RGS9: variants seen among roughly 807,000 people sequenced by gnomAD.
RGS9 encodes regulator of G protein signaling 9.
RGS9 carries 78 observed loss-of-function variants against 102.0 expected under a neutral mutation model. The ratio of observed to expected loss-of-function variants is 0.76; its 90% CI spans 0.64 to 0.92. The LOEUF is 0.92. Ranked by LOEUF, RGS9 falls within the 40% of genes least tolerant of loss-of-function variation. RGS9 has a pLI of 0.00. For missense variants in RGS9, 833 were observed against 866.1 expected, an observed-to-expected ratio of 0.96 and a Z score of 0.48; for synonymous variants, 353 against 318.6, an observed-to-expected ratio of 1.11 and a Z score of -1.15.
intron 7 of RGS9, among the ~76,000 whole-genome samples, chr17:65,165,272 G>A (rs977109787): frequency 2.0e-5 from 3 of 152,204 alleles, no homozygotes; most frequent in African/African-American, 4.8e-5. Flanking sequence ...GGACTCAGCT[G>A]CGATAAAGCT....
chr17:65,152,571 C>T (rs1022989332), intron 1 of RGS9, among the ~76,000 whole-genome samples: 2 of 152,200 alleles, frequency 1.3e-5, no homozygotes, highest in African/African-American at 2.4e-5. Context: ...CGCTCTGTCA[C>T]CCAGGCTGAG....
chr17:65,225,666 G>A (rs1905632881), intron 18 of RGS9, 180 bp downstream of exon 18: 2 of 773,518 alleles, frequency 2.6e-6, no homozygotes, highest in Non-Finnish European at 2.1e-6. Context: ...GTCCTCTGCT[G>A]TCCTCCCGAG....
Position 65,177,641 on chromosome 17 carries a change from C to G in RGS9, c.583-91C>G, listed in dbSNP as rs1911696092. 5 of 1,259,092 alleles carry G rather than the reference C, an allele frequency of 4.0e-6. No individual in the cohort carries two copies. In the South Asian group the frequency reaches 4.8e-5, roughly 12 times the overall value. The allele number at this position is 1,259,092 out of a possible 1,614,324, so 78.0% of individuals were successfully genotyped here. A position where few individuals can be genotyped will look rare whatever the true frequency, so the allele number is the denominator to read the frequency against. On this transcript the variant is annotated intron_variant, in intron 8 of 18. Transcript: ENST00000262406. Reference sequence around the variant, plus strand: ...GGCCACAAGCTCTTCTCAGCTCAATCTCACAATTGGCAGATTAACCAAGAC... The same window carrying G: ...GGCCACAAGCTCTTCTCAGCTCAATGTCACAATTGGCAGATTAACCAAGAC...
At chr17:65,161,580 T>C (rs528658074) in intron 6 of RGS9, among the ~76,000 whole-genome samples, 7 of 152,106 alleles carry the variant, frequency 4.6e-5, no homozygotes, top group Non-Finnish European at 7.4e-5. Flanking sequence ...GGGAAAACAA[T>C]AGGACTGTAT....
intron 11 of RGS9, among the ~76,000 whole-genome samples, 156 bp from the exon 12 acceptor site, chr17:65,193,387 G>A (rs1567881782): frequency 6.6e-6 from 1 of 152,136 alleles, no homozygotes; most frequent in Non-Finnish European, 1.5e-5. Context: ...CCAATCCCAA[G>A]GGTTATTTGA....
At chr17:65,215,553 T>TC (rs1913493078) in intron 17 of RGS9, among the ~76,000 whole-genome samples, 3 of 112,156 alleles carry the variant, frequency 2.7e-5, no homozygotes, top group Non-Finnish European at 5.3e-5. Flanking sequence ...TCTTTTTTTT[T>TC]GTTTTGAGAC....
At chr17:65,165,388 T>G (rs1479544173) in intron 7 of RGS9, among the ~76,000 whole-genome samples, 1 of 152,196 alleles carries the variant, frequency 6.6e-6, no homozygotes, top group Non-Finnish European at 1.5e-5. Flanking sequence ...TTTTTCCCAC[T>G]TATTTTATGG....
chr17:65,190,994 G>A (rs1912344309), intron 11 of RGS9, among the ~76,000 whole-genome samples: 1 of 152,160 alleles, frequency 6.6e-6, no homozygotes, highest in Non-Finnish European at 1.5e-5. Flanking sequence ...ATATGTTTAA[G>A]GGTTGGGCTC....
At chr17:65,156,804 T>C (rs895582382) in intron 2 of RGS9, among the ~76,000 whole-genome samples, 5 of 152,138 alleles carry the variant, frequency 3.3e-5, no homozygotes, top group African/African-American at 1.2e-4. Context: ...AGACTTGGTG[T>C]GGAAAGTCTA....
At position 65,198,778 on chromosome 17, in the gene RGS9, A is replaced by T. The variant is rs183622332; in HGVS notation, c.976+1537A>T. 1.6e-3 allele frequency among the ~76,000 whole-genome samples: 238 copies of T among 152,370 alleles called. 1 individual carries two copies. Among genetic ancestry groups the T allele is most frequent in the Admixed American group, 8.0e-3 (123 of 15,302 alleles). ...CCACTTGTCTGTGGCACTGCTCCAGAAACGAATCCTACTGGACATGCCTTT... is the reference window on the plus strand; with the variant it reads ...CCACTTGTCTGTGGCACTGCTCCAGTAACGAATCCTACTGGACATGCCTTT... On this transcript the variant is annotated intron_variant, in intron 13 of 18. Transcript: ENST00000262406.
chr17:65,171,812 C>CCT (rs1911430922), intron 8 of RGS9, among the ~76,000 whole-genome samples: 1 of 152,226 alleles, frequency 6.6e-6, no homozygotes, highest in Non-Finnish European at 1.5e-5. Context: ...AAGTACAGAT[C>CCT]TGAGCACGAT....
intron 17 of RGS9, among the ~76,000 whole-genome samples, chr17:65,220,036 A>AC (rs1913650738): frequency 6.6e-6 from 1 of 151,670 alleles, no homozygotes; most frequent in African/African-American, 2.4e-5. Flanking sequence ...TACCATCATC[A>AC]CCATCATCAC....
chr17:65,170,443 G>C (rs1323302062), intron 8 of RGS9, among the ~76,000 whole-genome samples: 1 of 152,166 alleles, frequency 6.6e-6, no homozygotes, highest in African/African-American at 2.4e-5. Context: ...AAAGCTCAAG[G>C]ATGCTGCTAA....
rs111381949 is a variant in RGS9, at chr17:65,199,545, G to A, written c.976+2304G>A. ...TTCTCACTCTGTCGCCCAGGCTGGA[G>A]CGCAGTGGCGTGATCTCATCTCACT... On this transcript the variant is annotated intron_variant, in intron 13 of 18. Transcript: ENST00000262406. Among the ~76,000 whole-genome samples the A allele has an allele frequency of 2.5e-3, 353 of 141,866 alleles. 1 individual carries two copies. Among genetic ancestry groups the A allele is most frequent in the Non-Finnish European group, 4.4e-3 (294 of 66,850 alleles). 93.1% of individuals were successfully genotyped at this position (141,866 alleles called of 152,430 possible).
At chr17:65,205,684 A>G (rs554010205) in intron 15 of RGS9, among the ~76,000 whole-genome samples, 185 of 151,964 alleles carry the variant, frequency 1.2e-3, no homozygotes, top group Admixed American at 3.1e-3. Context: ...AGATTATATG[A>G]TATGAGTTAT....
chr17:65,226,174 G>A (rs968032661), intron 18 of RGS9, among the ~76,000 whole-genome samples: 4 of 152,210 alleles, frequency 2.6e-5, no homozygotes, highest in Admixed American at 1.3e-4. Flanking sequence ...GCTCCATAAC[G>A]CCTGGATCAG....
chr17:65,140,153 A>C (rs1910101386), intron 1 of RGS9, among the ~76,000 whole-genome samples: 1 of 152,228 alleles, frequency 6.6e-6, no homozygotes, highest in South Asian at 2.1e-4. Flanking sequence ...GTCACGCAGC[A>C]CTAGGTGGTG....
intron 8 of RGS9, among the ~76,000 whole-genome samples, chr17:65,175,461 A>G (rs1352287562): frequency 1.3e-5 from 2 of 152,132 alleles, no homozygotes; most frequent in Non-Finnish European, 2.9e-5. Flanking sequence ...TATCCCTTCA[A>G]GACACCTGTC....
intron 9 of RGS9, among the ~76,000 whole-genome samples, chr17:65,185,894 C>T (rs1360973099): frequency 3.3e-5 from 5 of 152,158 alleles, no homozygotes; most frequent in African/African-American, 9.7e-5. Context: ...AATACAGCTC[C>T]CTGCAGGGCC....
Sources: gnomAD v4.1 joint callset for allele counts (sites outside exome capture counted in the v4.1 genomes callset) on GRCh38, gnomAD v4.1.1 for gene constraint, MANE v1.5 for transcripts, NCBI Gene and HGNC (gene_info 2026-07-23, HGNC 2026-07-21) for gene names.